The following GPBP1L1 variants were observed in gnomAD, a reference collection of about 807,000 sequenced individuals.
GPBP1L1 encodes GC-rich promoter binding protein 1 like 1.
A neutral mutation model predicts 52.5 loss-of-function variants in GPBP1L1; 23 were observed. That is an observed-to-expected ratio of 0.44 (90% CI 0.32 to 0.62). GPBP1L1 has a LOEUF of 0.62. GPBP1L1 is among the 20% of genes least tolerant of loss of function. The pLI, the probability that GPBP1L1 is intolerant of heterozygous loss-of-function variation, is 0.06. For synonymous variants in GPBP1L1, 243 were observed against 203.1 expected (o/e 1.20, Z -1.67); for missense variants, 596 against 579.3 (o/e 1.03, Z -0.30).
chr1:45,679,535 A>G (rs2148518200), intron 2 of GPBP1L1, among the ~76,000 whole-genome samples: 1 of 152,314 alleles, frequency 6.6e-6, no homozygotes, highest in South Asian at 2.1e-4. Flanking sequence ...TGGTATGTGT[A>G]TGTGTGCACC....
At chr1:45,633,726 C>T in intron 9 of GPBP1L1, 79 bp from the exon 10 acceptor site, 1 of 1,400,856 alleles carries the variant, frequency 7.1e-7, no homozygotes, top group South Asian at 1.3e-5. Flanking sequence ...GTGCTGACTT[C>T]AAGAATCTGG....
intron 8 of GPBP1L1, chr1:45,634,570 A>C (rs149612781): frequency 5.3e-6 from 1 of 188,154 alleles, no homozygotes; most frequent in African/African-American, 2.3e-5. Context: ...TTAACTGCAC[A>C]TAAGAATTTG....
At chr1:45,639,911 TA>T (rs1210502697) in intron 8 of GPBP1L1, among the ~76,000 whole-genome samples, 1 of 147,246 alleles carries the variant, frequency 6.8e-6, no homozygotes. Context: ...ATAAAATAAA[TA>T]AAAAAAATAG....
chr1:45,651,537 G>A, intron 6 of GPBP1L1: 1 of 539,862 alleles, frequency 1.9e-6, no homozygotes, highest in Admixed American at 2.7e-5. Flanking sequence ...TTGTGGGCCA[G>A]CTTAAGTAGC....
chr1:45,656,997 A>G (rs1201916932), intron 4 of GPBP1L1, among the ~76,000 whole-genome samples: 1 of 152,090 alleles, frequency 6.6e-6, no homozygotes, highest in Non-Finnish European at 1.5e-5. Flanking sequence ...CTACAGGCCT[A>G]TTTTTGAACT....
intron 2 of GPBP1L1, among the ~76,000 whole-genome samples, chr1:45,676,918 G>A (rs941808036): frequency 6.6e-6 from 1 of 150,612 alleles, no homozygotes; most frequent in Non-Finnish European, 1.5e-5. Context: ...CGCCAGGAAC[G>A]GTGGCTCATG....
At position 45,655,178 on chromosome 1, in the gene GPBP1L1, G is replaced by A. The variant is rs757036335; in HGVS notation, c.190+12C>T. 4 of 1,613,962 alleles carry A rather than the reference G, an allele frequency of 2.5e-6. No homozygotes were observed. The South Asian group carries it at 4.4e-5, about 18-fold the overall frequency. On this transcript the variant is annotated intron_variant, in intron 5 of 12. Coordinates refer to ENST00000355105, the MANE Select transcript of GPBP1L1 (RefSeq NM_021639.5). ...AGCTTAAATATAGTCATGAAAGTTG[G>A]ACATGGCTCACCTCCTGCAGTTCGT...
At chr1:45,629,875 A>T (rs1644507728) in intron 11 of GPBP1L1, among the ~76,000 whole-genome samples, 197 bp from the exon 12 acceptor site, 1 of 124,410 alleles carries the variant, frequency 8.0e-6, no homozygotes, top group Non-Finnish European at 2.0e-5. Context: ...TTCACAGTTG[A>T]GAGAGGAAGA....
intron 8 of GPBP1L1, among the ~76,000 whole-genome samples, chr1:45,636,181 C>T (rs1644591571): frequency 6.6e-6 from 1 of 152,128 alleles, no homozygotes; most frequent in African/African-American, 2.4e-5. Flanking sequence ...TGCGATATTG[C>T]TCATTATGAA....
intron 5 of GPBP1L1, 106 bp from the exon 6 acceptor site, chr1:45,654,935 A>C (rs542242229): frequency 1.7e-4 from 188 of 1,138,856 alleles, no homozygotes; most frequent in Non-Finnish European, 2.2e-4. Context: ...AGTCCACACA[A>C]AAAAAATAAA....
chr1:45,680,573 A>G (rs1645200784), intron 2 of GPBP1L1, among the ~76,000 whole-genome samples: 1 of 152,094 alleles, frequency 6.6e-6, no homozygotes, highest in African/African-American at 2.4e-5. Context: ...AGAATCATTT[A>G]AAAGCATCTC....
intron 6 of GPBP1L1, chr1:45,645,671 C>T: frequency 1.3e-5 from 4 of 313,670 alleles, no homozygotes; most frequent in South Asian, 5.5e-5. Context: ...TAGTATTTAC[C>T]ACCATTCCTT....
At position 45,630,513 on chromosome 1, in the gene GPBP1L1, C is replaced by A. The variant is rs1250460881; in HGVS notation, c.1138G>T (p.Val380Phe). 1 of 1,613,824 alleles carries A rather than the reference C, an allele frequency of 6.2e-7. No homozygotes were observed. Among genetic ancestry groups the A allele is most frequent in the African/African-American group, 1.3e-5 (1 of 74,906 alleles). ...TCTGCTTCTAGAGAGTGTGAGAGAACCTCCCCTTCTTCCACTACAGGGAGG... is the reference window on the plus strand; with the variant it reads ...TCTGCTTCTAGAGAGTGTGAGAGAAACTCCCCTTCTTCCACTACAGGGAGG... ...LALPVVEEGE[V>F]LSHSLEAEHR... Residue 380 changes from valine (V) to phenylalanine (F), a missense_variant, in exon 11 of 13, where the codon GTT (valine) becomes TTT (phenylalanine). Physicochemically the swap from Val to Phe is conservative, Grantham distance 50. Coordinates refer to ENST00000355105, the MANE Select transcript of GPBP1L1 (RefSeq NM_021639.5).
intron 12 of GPBP1L1, among the ~76,000 whole-genome samples, chr1:45,628,928 T>C (rs1303552012): frequency 6.6e-6 from 1 of 152,164 alleles, no homozygotes; most frequent in African/African-American, 2.4e-5. Context: ...TCCCAAAGTG[T>C]TGGGATTACA....
At chr1:45,667,431 C>T (rs896972115) in intron 2 of GPBP1L1, among the ~76,000 whole-genome samples, 3 of 152,104 alleles carry the variant, frequency 2.0e-5, no homozygotes, top group Non-Finnish European at 2.9e-5. Flanking sequence ...GCGCACTATT[C>T]GGTACTTCAC....
chr1:45,634,093 C>G lies in GPBP1L1; in HGVS notation c.885+3G>C, dbSNP rs752959225. 5.6e-6 allele frequency: 9 copies of G among 1,602,012 alleles called. No homozygotes were observed. The highest frequency in any genetic ancestry group is 7.7e-6 in the Non-Finnish European group (9 of 1,172,824). ...AAGACTGTCCTGCTTCATCCTCACT[C>G]ACCTCTTTGGGAGAACTCAGAGCTG... On this transcript the variant is annotated splice_donor_region_variant and intron_variant, in intron 9 of 12. Coordinates refer to ENST00000355105, the MANE Select transcript of GPBP1L1 (RefSeq NM_021639.5).
chr1:45,639,868 G>T (rs191399013), intron 8 of GPBP1L1, among the ~76,000 whole-genome samples: 1 of 150,644 alleles, frequency 6.6e-6, no homozygotes, highest in East Asian at 2.0e-4. Context: ...ACAGAGCGAG[G>T]CTCCATCTCA....
At chr1:45,631,677 T>C (rs1191350034) in intron 10 of GPBP1L1, among the ~76,000 whole-genome samples, 1 of 152,172 alleles carries the variant, frequency 6.6e-6, no homozygotes, top group African/African-American at 2.4e-5. Flanking sequence ...CCTAGCACTT[T>C]CGGAGGCCAA....
intron 2 of GPBP1L1, among the ~76,000 whole-genome samples, chr1:45,670,959 A>G (rs1396365458): frequency 1.3e-5 from 2 of 151,108 alleles, no homozygotes; most frequent in Non-Finnish European, 3.0e-5. Flanking sequence ...CACCCAGCTA[A>G]TTTTTTGTAT....
Sources: gnomAD v4.1 joint callset for allele counts (sites outside exome capture counted in the v4.1 genomes callset) on GRCh38, gnomAD v4.1.1 for gene constraint, MANE v1.5 for transcripts, NCBI Gene and HGNC (gene_info 2026-07-23, HGNC 2026-07-21) for gene names.